GRID1: variants seen among roughly 807,000 people sequenced by gnomAD.
The protein encoded by GRID1 is glutamate ionotropic receptor delta type subunit 1.
A neutral mutation model predicts 98.0 loss-of-function variants in GRID1; 28 were observed. The ratio of observed to expected loss-of-function variants is 0.29; its 90% CI spans 0.21 to 0.39. The LOEUF (loss-of-function observed/expected upper bound fraction) is 0.39, where lower values mean the gene tolerates loss of function less well. Ranked by LOEUF, GRID1 falls within the 10% of genes least tolerant of loss-of-function variation. The probability of loss-of-function intolerance (pLI) is 1.00; values close to 1 mark genes in which losing one functional copy is unlikely to be tolerated. For synonymous variants in GRID1, 553 were observed against 538.5 expected, an observed-to-expected ratio of 1.03 and a Z score of -0.37; for missense variants, 1,111 against 1,340.5, an observed-to-expected ratio of 0.83 and a Z score of 2.67.
chr10:85,737,476 A>G (rs908980471), intron 8 of GRID1, among the ~76,000 whole-genome samples: 3 of 151,742 alleles, frequency 2.0e-5, no homozygotes, highest in Non-Finnish European at 4.4e-5. Flanking sequence ...CCCAGGCCAC[A>G]ATGGTCTCAG....
chr10:85,681,831 A>G (rs1252345293), intron 12 of GRID1, among the ~76,000 whole-genome samples: 1 of 152,154 alleles, frequency 6.6e-6, no homozygotes, highest in Admixed American at 6.5e-5. Flanking sequence ...TGCCCTCCCC[A>G]GACATGCTCA....
chr10:85,724,875 T>A (rs1564571074), intron 10 of GRID1, among the ~76,000 whole-genome samples, 199 bp from the exon 11 acceptor site: 1 of 152,178 alleles, frequency 6.6e-6, no homozygotes, highest in Non-Finnish European at 1.5e-5. Context: ...ACCTTACAAG[T>A]CTCTCTCTTC....
intron 15 of GRID1, chr10:85,606,795 T>C (rs1056817253): frequency 6.6e-6 from 1 of 152,208 alleles, no homozygotes; most frequent in Non-Finnish European, 1.5e-5. Flanking sequence ...ATTTGAATAA[T>C]TATCTATCTT....
intron 4 of GRID1, among the ~76,000 whole-genome samples, chr10:85,958,399 A>C (rs1479871991): frequency 6.6e-6 from 1 of 152,166 alleles, no homozygotes; most frequent in Non-Finnish European, 1.5e-5. Context: ...TGTTAATTTT[A>C]TATGTCTATT....
chr10:86,254,923 G>A lies in GRID1; in HGVS notation c.236-48275C>T, dbSNP rs368370470. ...CACTAAAGCAGGGGAAAACCTCCAGGACTCAGGAAGCACAGATAAGGACCA... is the reference window on the plus strand; with the variant it reads ...CACTAAAGCAGGGGAAAACCTCCAGAACTCAGGAAGCACAGATAAGGACCA... On this transcript the variant is annotated intron_variant, in intron 2 of 15. Transcript: ENST00000327946. Among the ~76,000 whole-genome samples, 30 of 152,328 alleles carry A rather than the reference G, an allele frequency of 2.0e-4. 1 individual carries two copies. The South Asian group carries it at 5.0e-3, about 25-fold the overall frequency.
At chr10:86,057,840 C>T (rs542631178) in intron 4 of GRID1, among the ~76,000 whole-genome samples, 1 of 152,296 alleles carries the variant, frequency 6.6e-6, no homozygotes, top group Admixed American at 6.5e-5. Context: ...CTGTCTTTCC[C>T]ACAAGTCAGT....
intron 4 of GRID1, among the ~76,000 whole-genome samples, chr10:85,984,976 A>C (rs1399060765): frequency 6.6e-6 from 1 of 152,096 alleles, no homozygotes; most frequent in Non-Finnish European, 1.5e-5. Context: ...CTAGCACTAC[A>C]TTTTGGGCTG....
chr10:85,692,186 G>A (rs149529705), intron 12 of GRID1, among the ~76,000 whole-genome samples: 124 of 152,084 alleles, frequency 8.2e-4, no homozygotes, highest in African/African-American at 2.2e-3. Context: ...TCCACTGTCC[G>A]TTCATTTATG....
Position 86,364,084 on chromosome 10 carries a change from T to C in GRID1, c.92A>G (p.Glu31Gly). The C allele has an allele frequency of 1.2e-6, 2 of 1,613,828 alleles. No individual in the cohort carries two copies. The highest frequency in any genetic ancestry group is 1.7e-6 in the Non-Finnish European group (2 of 1,179,788). Residue 31 changes from glutamate (E) to glycine (G), a missense_variant, in exon 2 of 16, where the codon GAG becomes GGG. Glu to Gly is a moderately conservative substitution (Grantham distance 98). This residue lies in a region of GRID1 where 346 missense variants were observed against 452.3 expected (regional missense o/e 0.76). Transcript: ENST00000327946. ...DSIIHIGAIF[E>G]ENAAKDDRVF... ...CCTGTCGTCCTTGGCCGCGTTCTCC[T>C]CGAAGATGGCACCTGGAGGAGAGAA...
intron 5 of GRID1, among the ~76,000 whole-genome samples, chr10:85,908,098 G>A (rs1341894282): frequency 6.6e-6 from 1 of 152,126 alleles, no homozygotes; most frequent in Non-Finnish European, 1.5e-5. Flanking sequence ...AACTGTGTGT[G>A]TTCCCTCTAA....
chr10:86,129,979 C>T (rs1844809551), intron 4 of GRID1, among the ~76,000 whole-genome samples: 2 of 152,248 alleles, frequency 1.3e-5, no homozygotes, highest in African/African-American at 4.8e-5. Flanking sequence ...ACTTGGTCTC[C>T]TGGAACTCCG....
intron 12 of GRID1, among the ~76,000 whole-genome samples, chr10:85,656,186 C>CA (rs1376370245): frequency 6.6e-6 from 1 of 152,114 alleles, no homozygotes; most frequent in African/African-American, 2.4e-5. Context: ...ATACAGTGGC[C>CA]AATTCTCAGT....
chr10:85,659,836 T>C (rs933207078), intron 12 of GRID1, among the ~76,000 whole-genome samples: 1 of 152,206 alleles, frequency 6.6e-6, no homozygotes, highest in African/African-American at 2.4e-5. Flanking sequence ...AACCACCCTC[T>C]GTGATAAGCT....
chr10:85,848,175 C>T (rs999568036), intron 8 of GRID1, among the ~76,000 whole-genome samples: 3 of 152,054 alleles, frequency 2.0e-5, no homozygotes, highest in Admixed American at 2.0e-4. Flanking sequence ...TTATATACTA[C>T]TCATGGATGT....
chr10:86,163,205 A>G (rs1845346931), intron 3 of GRID1, among the ~76,000 whole-genome samples: 2 of 152,052 alleles, frequency 1.3e-5, no homozygotes, highest in Non-Finnish European at 2.9e-5. Context: ...CGGGAGTGGG[A>G]GCAGCACAGC....
chr10:85,980,193 TTC>T (rs1387507801), intron 4 of GRID1, among the ~76,000 whole-genome samples: 1 of 152,226 alleles, frequency 6.6e-6, no homozygotes, highest in Non-Finnish European at 1.5e-5. Context: ...CTGGATGGGC[TTC>T]TCCCCAGGGT....
intron 12 of GRID1, among the ~76,000 whole-genome samples, chr10:85,659,576 T>C (rs538753396): frequency 2.0e-5 from 3 of 152,318 alleles, no homozygotes; most frequent in Admixed American, 6.5e-5. Context: ...CTAGCACACA[T>C]GGGCCAGTGA....
intron 13 of GRID1, among the ~76,000 whole-genome samples, chr10:85,632,887 C>A (rs1443171676): frequency 6.6e-6 from 1 of 152,174 alleles, no homozygotes; most frequent in Non-Finnish European, 1.5e-5. Flanking sequence ...CCCTCCATCC[C>A]CCAATAGGCC....
At chr10:85,956,330 A>T (rs571157659) in intron 4 of GRID1, among the ~76,000 whole-genome samples, 2 of 151,524 alleles carry the variant, frequency 1.3e-5, no homozygotes, top group African/African-American at 4.8e-5. Flanking sequence ...CCCTTTCTCA[A>T]CCCTTCCTAT....
Sources: gnomAD v4.1 joint callset for allele counts (sites outside exome capture counted in the v4.1 genomes callset) on GRCh38, gnomAD v4.1.1 for gene constraint, gnomAD v4.1.1 regional missense constraint, MANE v1.5 for transcripts, NCBI Gene and HGNC (gene_info 2026-07-23, HGNC 2026-07-21) for gene names.